Variants in TPO observed in about 807,000 individuals in gnomAD.
The protein encoded by TPO is thyroid microsomal antigen.
TPO carries 78 observed loss-of-function variants against 96.9 expected under a neutral mutation model. The observed-to-expected ratio is 0.81, with a 90% CI of 0.67 to 0.97. The LOEUF (loss-of-function observed/expected upper bound fraction) is 0.97. TPO is among the 50% of genes least tolerant of loss of function. The pLI, the probability that TPO is intolerant of heterozygous loss-of-function variation, is 0.00. For missense variants in TPO, 1,252 were observed against 1,274.8 expected, an observed-to-expected ratio of 0.98 and a Z score of 0.27; for synonymous variants, 547 against 538.0, an observed-to-expected ratio of 1.02 and a Z score of -0.23.
chr2:1,449,527 T>C (rs1478211599), intron 5 of TPO, among the ~76,000 whole-genome samples: 1 of 152,218 alleles, frequency 6.6e-6, no homozygotes, highest in Non-Finnish European at 1.5e-5. Flanking sequence ...AAAGTTCAAT[T>C]GCTCAAAACA....
At chr2:1,453,545 G>A in intron 5 of TPO, 149 bp from the exon 6 acceptor site, 1 of 1,227,868 alleles carries the variant, frequency 8.1e-7, no homozygotes, top group Non-Finnish European at 1.2e-6. Context: ...CCTCCAGGAG[G>A]CCTTTCGGGT....
chr2:1,503,552 C>T (rs1330043795), intron 13 of TPO, among the ~76,000 whole-genome samples: 3 of 152,254 alleles, frequency 2.0e-5, no homozygotes, highest in African/African-American at 7.2e-5. Flanking sequence ...GAGGACCTGC[C>T]GGCCAGCTGG....
chr2:1,388,186 G>A (rs182243934), intron 1 of TPO, among the ~76,000 whole-genome samples: 50 of 152,330 alleles, frequency 3.3e-4, no homozygotes, highest in African/African-American at 1.2e-3. Context: ...CAGTCTGTCC[G>A]TTCTCAGATC....
intron 2 of TPO, among the ~76,000 whole-genome samples, chr2:1,420,880 G>A (rs755745282): frequency 8.5e-5 from 13 of 152,170 alleles, no homozygotes; most frequent in Non-Finnish European, 1.3e-4. Flanking sequence ...CACATGGTGA[G>A]TGAAAGGCAA....
intron 15 of TPO, among the ~76,000 whole-genome samples, chr2:1,534,487 A>C (rs1679081733): frequency 2.8e-5 from 2 of 72,064 alleles, no homozygotes; most frequent in Non-Finnish European, 5.3e-5. Context: ...CAAACTCCCC[A>C]AACCCCCCAC....
Position 1,531,880 on chromosome 2 carries a change from T to C in TPO, c.2619-8714T>C, listed in dbSNP as rs1324147360. ...ATCCCTCACACTGTGTGCAACCTCC[T>C]CAAATCACCCTACTGTGTGCAACCT... On this transcript the variant is annotated intron_variant, in intron 15 of 16. Transcript: ENST00000329066. Among the ~76,000 whole-genome samples the C allele has an allele frequency of 9.7e-4, 67 of 68,896 alleles. 9 individuals are homozygous for C. The highest frequency in any genetic ancestry group is 2.9e-3 in the African/African-American group (51 of 17,674). 45.2% of individuals were successfully genotyped at this position (68,896 alleles called of 152,430 possible). A position where few individuals can be genotyped will look rare whatever the true frequency, so the allele number is the denominator to read the frequency against.
rs187920630 is a variant in TPO, at chr2:1,492,407, G to A, written c.1769-1395G>A. On this transcript the variant is annotated intron_variant, in intron 10 of 16. Transcript: ENST00000329066. The stretch of plus-strand genomic sequence containing the variant: ...TGACCTCAGGCAATCCGCCCGCCTC[G>A]GCCTCCAAAAGTGCTGGGATTACAG... Among the ~76,000 whole-genome samples, 798 of 152,206 alleles carry A rather than the reference G, an allele frequency of 5.2e-3. 4 individuals are homozygous for A. The highest frequency in any genetic ancestry group is 8.6e-3 in the Admixed American group (132 of 15,284).
intron 2 of TPO, among the ~76,000 whole-genome samples, chr2:1,415,740 C>T (rs914303341): frequency 6.6e-6 from 1 of 152,216 alleles, no homozygotes; most frequent in African/African-American, 2.4e-5. Context: ...CCTCACCAGC[C>T]TTTCCCAGGA....
intron 5 of TPO, among the ~76,000 whole-genome samples, chr2:1,453,103 G>A (rs1186044523): frequency 6.6e-6 from 1 of 152,216 alleles, no homozygotes; most frequent in African/African-American, 2.4e-5. Flanking sequence ...TCTCTCAGGA[G>A]AGACTTAACT....
intron 10 of TPO, 32 bp downstream of exon 10, chr2:1,488,023 G>A (rs370146078): frequency 1.7e-5 from 28 of 1,611,416 alleles, no homozygotes; most frequent in South Asian, 1.4e-4. Flanking sequence ...CACACCTCAT[G>A]CAGCTGCTGC....
At chr2:1,530,202 T>TC in intron 15 of TPO, among the ~76,000 whole-genome samples, 1 of 10,206 alleles carries the variant, frequency 9.8e-5, no homozygotes, top group East Asian at 4.9e-3. Context: ...CCCAAATCCC[T>TC]CCCACTGTGT....
At chr2:1,446,733 G>T (rs895484926) in intron 5 of TPO, among the ~76,000 whole-genome samples, 13 of 152,096 alleles carry the variant, frequency 8.5e-5, no homozygotes, top group Admixed American at 1.3e-4. Context: ...GCTGAGATTG[G>T]CCTTTTCACT....
chr2:1,400,485 C>T (rs1282384012), intron 1 of TPO, among the ~76,000 whole-genome samples: 5 of 144,384 alleles, frequency 3.5e-5, no homozygotes, highest in East Asian at 4.0e-4. Context: ...GAGCTGAGAT[C>T]GCACCATTGC....
intron 1 of TPO, among the ~76,000 whole-genome samples, chr2:1,397,663 A>C (rs1662103113): frequency 6.6e-6 from 1 of 152,154 alleles, no homozygotes; most frequent in South Asian, 2.1e-4. Context: ...GCCCTGCTGC[A>C]TCTCTGGTCC....
intron 1 of TPO, among the ~76,000 whole-genome samples, chr2:1,407,386 C>T (rs560759121): frequency 3.9e-5 from 6 of 152,262 alleles, no homozygotes; most frequent in African/African-American, 1.4e-4. Flanking sequence ...GTGGAGACAG[C>T]TGAAAACTGG....
chr2:1,383,909 A>G (rs1290302696), intron 1 of TPO, among the ~76,000 whole-genome samples: 1 of 152,276 alleles, frequency 6.6e-6, no homozygotes, highest in South Asian at 2.1e-4. Flanking sequence ...GTGTAAGGAA[A>G]GGATCCAGTT....
intron 5 of TPO, among the ~76,000 whole-genome samples, chr2:1,443,547 A>G (rs1325432904): frequency 6.7e-6 from 1 of 148,736 alleles, no homozygotes; most frequent in Non-Finnish European, 1.5e-5. Flanking sequence ...TGCAGGAGGC[A>G]CCATGTTGGA....
intron 5 of TPO, among the ~76,000 whole-genome samples, chr2:1,443,562 A>T (rs1379919253): frequency 6.7e-6 from 1 of 148,684 alleles, no homozygotes; most frequent in Non-Finnish European, 1.5e-5. Flanking sequence ...GTTGGAAGGG[A>T]AAGGGCAGGC....
At chr2:1,511,123 C>T (rs1294985125) in intron 14 of TPO, among the ~76,000 whole-genome samples, 5 of 152,060 alleles carry the variant, frequency 3.3e-5, no homozygotes, top group South Asian at 4.1e-4. Context: ...TTGTTCCTAA[C>T]GTTGCGGTTA....
Sources: allele counts gnomAD v4.1 joint callset (sites outside exome capture counted in the v4.1 genomes callset), GRCh38; gene constraint gnomAD v4.1.1; transcripts MANE v1.5; gene names NCBI Gene and HGNC (gene_info 2026-07-23, HGNC 2026-07-21).